SNTB1: variants seen among roughly 807,000 people sequenced by gnomAD.
SNTB1 encodes the protein beta-1-syntrophin.
SNTB1 carries 36 observed loss-of-function variants against 48.9 expected under a neutral mutation model. The observed-to-expected ratio is 0.74, with a 90% CI of 0.56 to 0.97. The LOEUF is 0.97. SNTB1 is among the 50% of genes least tolerant of loss of function. The pLI is 0.00. For synonymous variants in SNTB1, 299 were observed against 294.6 expected, an observed-to-expected ratio of 1.01 and a Z score of -0.15; for missense variants, 786 against 703.4, an observed-to-expected ratio of 1.12 and a Z score of -1.33.
rs1258150324 is a variant in SNTB1, at chr8:120,632,236, CAT to C, written c.996+206_996+207del. ...AACCTGGACCCCGTGCAATTTGCCA[CAT>C]GTTTGACTAAGTGCAGGTAATCAAA... On this transcript the variant is annotated intron_variant, in intron 3 of 6. Transcript: ENST00000517992. Among the ~76,000 whole-genome samples the C allele has an allele frequency of 3.9e-5, 6 of 152,270 alleles. No individual in the cohort carries two copies. The East Asian group carries it at 5.8e-4, about 15-fold the overall frequency.
chr8:120,800,238 C>A (rs1820198893), intron 1 of SNTB1, among the ~76,000 whole-genome samples: 1 of 151,984 alleles, frequency 6.6e-6, no homozygotes, highest in Non-Finnish European at 1.5e-5. Flanking sequence ...TTAACAAAAG[C>A]CCCACGCCAA....
At chr8:120,569,049 T>C (rs918273395) in intron 4 of SNTB1, among the ~76,000 whole-genome samples, 1 of 152,230 alleles carries the variant, frequency 6.6e-6, no homozygotes, top group African/African-American at 2.4e-5. Context: ...TGGCGCGATC[T>C]CGGCTCACTG....
chr8:120,658,415 A>T (rs898641047), intron 2 of SNTB1, among the ~76,000 whole-genome samples: 1 of 152,202 alleles, frequency 6.6e-6, no homozygotes, highest in Non-Finnish European at 1.5e-5. Flanking sequence ...TAGTTAGTAC[A>T]GGAGAACTAG....
chr8:120,709,715 A>G (rs1818433096), intron 1 of SNTB1, among the ~76,000 whole-genome samples: 1 of 152,000 alleles, frequency 6.6e-6, no homozygotes. Flanking sequence ...CCTCTTTCCC[A>G]CTGTGTTGGG....
At chr8:120,540,417 T>C (rs560958963) in intron 6 of SNTB1, among the ~76,000 whole-genome samples, 28 of 152,232 alleles carry the variant, frequency 1.8e-4, no homozygotes, top group Non-Finnish European at 2.9e-4. Context: ...GCAGAAAGGC[T>C]GAAATTTAGA....
intron 1 of SNTB1, among the ~76,000 whole-genome samples, chr8:120,727,856 T>A (rs1454720097): frequency 6.6e-6 from 1 of 152,198 alleles, no homozygotes; most frequent in East Asian, 1.9e-4. Context: ...ACCATATAGC[T>A]TCCTATCCTA....
At position 120,811,881 on chromosome 8, in the gene SNTB1, G is replaced by T. The variant is rs1820444887; in HGVS notation, c.-38C>A. On this transcript the variant is annotated 5_prime_UTR_variant, in exon 1 of 7. Coordinates refer to ENST00000517992, the MANE Select transcript of SNTB1 (RefSeq NM_021021.4). ...CTTAAAATGCCATGTGATTGGAAAA[G>T]GGGGGAAAAGTGGGGAAGGGTGGCC... 1.8e-5 allele frequency: 24 copies of T among 1,312,814 alleles called. No homozygotes were observed. Among genetic ancestry groups the T allele is most frequent in the Non-Finnish European group, 2.3e-5 (24 of 1,033,774 alleles). 81.3% of individuals were successfully genotyped at this position (1,312,814 alleles called of 1,614,324 possible). A position where few individuals can be genotyped will look rare whatever the true frequency, so the allele number is the denominator to read the frequency against.
intron 2 of SNTB1, among the ~76,000 whole-genome samples, chr8:120,668,794 T>G (rs1563846844): frequency 6.6e-6 from 1 of 152,218 alleles, no homozygotes; most frequent in East Asian, 1.9e-4. Context: ...CTAAATGATT[T>G]TACTAATTCT....
At chr8:120,667,675 G>A (rs568260940) in intron 2 of SNTB1, among the ~76,000 whole-genome samples, 12 of 152,074 alleles carry the variant, frequency 7.9e-5, no homozygotes, top group African/African-American at 2.9e-4. Context: ...TTTTTTCATA[G>A]GTGCCAAACA....
At chr8:120,666,286 C>T (rs780057915) in intron 2 of SNTB1, among the ~76,000 whole-genome samples, 1 of 152,180 alleles carries the variant, frequency 6.6e-6, no homozygotes, top group Non-Finnish European at 1.5e-5. Flanking sequence ...ATTCTTTGAG[C>T]ATTTGTATGT....
At chr8:120,595,926 G>A (rs941043576) in intron 3 of SNTB1, among the ~76,000 whole-genome samples, 4 of 152,098 alleles carry the variant, frequency 2.6e-5, no homozygotes, top group Admixed American at 1.3e-4. Flanking sequence ...TCTTGCATGA[G>A]ATCCAAGAAT....
At chr8:120,571,189 G>A in intron 4 of SNTB1, 1 of 1,238,956 alleles carries the variant, frequency 8.1e-7, no homozygotes, top group Non-Finnish European at 1.0e-6. Flanking sequence ...TTTTCATGTT[G>A]CCTGAGAGTT....
At chr8:120,612,190 G>C (rs1587030965) in intron 3 of SNTB1, among the ~76,000 whole-genome samples, 1 of 152,308 alleles carries the variant, frequency 6.6e-6, no homozygotes, top group South Asian at 2.1e-4. Context: ...AACAATAACA[G>C]TAGCCATTAC....
Position 120,707,405 on chromosome 8 carries a change from A to G in SNTB1, c.572-13497T>C, listed in dbSNP as rs142896427. Among the ~76,000 whole-genome samples the G allele has an allele frequency of 3.8e-4, 58 of 152,296 alleles. No homozygotes were observed. In the East Asian group the frequency reaches 0.011, roughly 29 times the overall value. ...GCTTGGCCTTGCTTCATACTCTCTC[A>G]GGAGAGTAATTCCTAAGAATTACAT... On this transcript the variant is annotated intron_variant, in intron 1 of 6. Coordinates refer to ENST00000517992, the MANE Select transcript of SNTB1 (RefSeq NM_021021.4).
intron 3 of SNTB1, among the ~76,000 whole-genome samples, chr8:120,595,500 C>T (rs567687686): frequency 1.3e-5 from 2 of 152,130 alleles, no homozygotes; most frequent in Admixed American, 6.6e-5. Context: ...TTTAGCATAT[C>T]ATCAAGAAAT....
At chr8:120,699,903 T>C (rs1228511837) in intron 1 of SNTB1, among the ~76,000 whole-genome samples, 1 of 152,140 alleles carries the variant, frequency 6.6e-6, no homozygotes, top group Non-Finnish European at 1.5e-5. Flanking sequence ...AACACATAAA[T>C]ACAAAGAAAT....
rs1341886688 is a variant in SNTB1 at position 120,536,342 on chromosome 8, C to G, written c.*2535G>C. On this transcript the variant is annotated 3_prime_UTR_variant, in exon 7 of 7. Transcript: ENST00000517992. The stretch of plus-strand genomic sequence containing the variant: ...ATAATTCATGGGATTGAGCACAGAG[C>G]AAATTGGACAAAAACAAATTCCTCA... The G allele has an allele frequency of 6.6e-6, 1 of 152,154 alleles. No individual in the cohort carries two copies. Among genetic ancestry groups the G allele is most frequent in the East Asian group, 1.9e-4 (1 of 5,198 alleles). The allele number at this position is 152,154 out of a possible 1,614,324, so 9.4% of individuals were successfully genotyped here. A position where few individuals can be genotyped will look rare whatever the true frequency, so the allele number is the denominator to read the frequency against.
chr8:120,606,881 A>G (rs1816530884), intron 3 of SNTB1, among the ~76,000 whole-genome samples: 1 of 152,186 alleles, frequency 6.6e-6, no homozygotes, highest in African/African-American at 2.4e-5. Flanking sequence ...GTTAGGGAAA[A>G]TAAAAGAATA....
chr8:120,715,042 T>G (rs1011263195), intron 1 of SNTB1, among the ~76,000 whole-genome samples: 29 of 152,210 alleles, frequency 1.9e-4, no homozygotes, highest in Admixed American at 1.7e-3. Flanking sequence ...GACATAAATC[T>G]CCATCACAGT....
Sources: allele counts gnomAD v4.1 joint callset (sites outside exome capture counted in the v4.1 genomes callset), GRCh38; gene constraint gnomAD v4.1.1; transcripts MANE v1.5; gene names NCBI Gene and HGNC (gene_info 2026-07-23, HGNC 2026-07-21).